MYO5B: variants seen among roughly 807,000 people sequenced by gnomAD.
The protein encoded by MYO5B is myosin VB.
In MYO5B, 143 loss-of-function variants were observed where a neutral mutation model predicts 229.3. That is an observed-to-expected ratio of 0.62 (90% CI 0.54 to 0.72). The LOEUF is 0.72. Ranked by LOEUF, MYO5B falls within the 30% of genes least tolerant of loss-of-function variation. The pLI, the probability that MYO5B is intolerant of heterozygous loss-of-function variation, is 0.00. For missense variants in MYO5B, 2,321 were observed against 2,331.0 expected, an observed-to-expected ratio of 1.00 and a Z score of 0.09; for synonymous variants, 918 against 885.2, an observed-to-expected ratio of 1.04 and a Z score of -0.66.
chr18:50,026,404 G>C (rs925566548), intron 4 of MYO5B, among the ~76,000 whole-genome samples: 4 of 152,250 alleles, frequency 2.6e-5, no homozygotes, highest in Admixed American at 2.6e-4. Context: ...AGAACTGAAA[G>C]TGGCTTGTTT....
intron 9 of MYO5B, among the ~76,000 whole-genome samples, chr18:49,975,324 T>G (rs1246809125): frequency 6.6e-6 from 1 of 152,114 alleles, no homozygotes; most frequent in African/African-American, 2.4e-5. Context: ...GATCAATGAT[T>G]CTCTTCTGGG....
rs191937092 is a variant in MYO5B, at chr18:49,833,350, A to G, written c.5394+1994T>C. 1.5e-4 allele frequency among the ~76,000 whole-genome samples: 23 copies of G among 152,322 alleles called. No homozygotes were observed. In the East Asian group the frequency reaches 3.9e-3, roughly 26 times the overall value. Reference sequence around the variant, plus strand: ...CTTTAACAAGTAACTTGTCTTTATCACACATGTGAGTTCAAATGTAGGAGG... The same window carrying G: ...CTTTAACAAGTAACTTGTCTTTATCGCACATGTGAGTTCAAATGTAGGAGG... On this transcript the variant is annotated intron_variant, in intron 39 of 39. Coordinates refer to ENST00000285039, the MANE Select transcript of MYO5B (RefSeq NM_001080467.3).
intron 10 of MYO5B, 125 bp downstream of exon 10, chr18:49,974,225 A>G (rs867995255): frequency 3.5e-6 from 5 of 1,412,978 alleles, no homozygotes; most frequent in Non-Finnish European, 5.0e-6. Context: ...AAATGGCCCC[A>G]CACATTTTAA....
rs1320243335 is a variant in MYO5B at position 49,824,793 on chromosome 18, G to GC, written c.*1677dup. On this transcript the variant is annotated 3_prime_UTR_variant, in exon 40 of 40. Transcript: ENST00000285039. ...ACTGTAACTGAAAGAAAAAGGCACA[G>GC]CTCTGCCGATGCCCAAGAGAAGCCG... is the stretch of plus-strand genomic sequence containing the variant. 1 of 152,244 alleles carries GC rather than the reference G, an allele frequency of 6.6e-6. No individual in the cohort carries two copies. Among genetic ancestry groups the GC allele is most frequent in the East Asian group, 1.9e-4 (1 of 5,202 alleles). 9.4% of individuals were successfully genotyped at this position (152,244 alleles called of 1,614,324 possible).
intron 1 of MYO5B, among the ~76,000 whole-genome samples, chr18:50,099,479 GTTCC>G (rs1168721924): frequency 1.3e-5 from 2 of 152,152 alleles, no homozygotes; most frequent in Non-Finnish European, 2.9e-5. Context: ...AGATGCCATG[GTTCC>G]TTCCACTCCC....
At chr18:49,926,774 A>C (rs1233942582) in intron 17 of MYO5B, among the ~76,000 whole-genome samples, 1 of 152,214 alleles carries the variant, frequency 6.6e-6, no homozygotes, top group African/African-American at 2.4e-5. Flanking sequence ...AAGTTAAAGG[A>C]GTCTATTGAG....
intron 1 of MYO5B, among the ~76,000 whole-genome samples, chr18:50,160,662 G>A (rs1156706817): frequency 4.6e-5 from 7 of 151,988 alleles, no homozygotes; most frequent in Admixed American, 4.6e-4. Flanking sequence ...GGCCACTCTG[G>A]GTCACCTGAA....
intron 1 of MYO5B, among the ~76,000 whole-genome samples, chr18:50,061,743 C>A (rs921437797): frequency 6.6e-6 from 1 of 152,192 alleles, no homozygotes; most frequent in African/African-American, 2.4e-5. Flanking sequence ...AATGCACTGT[C>A]AGAATTAAAA....
chr18:50,096,128 T>C (rs1401069458), intron 1 of MYO5B, among the ~76,000 whole-genome samples: 2 of 152,126 alleles, frequency 1.3e-5, no homozygotes, highest in African/African-American at 4.8e-5. Flanking sequence ...ACACTTCCCA[T>C]ATATGAAAAG....
chr18:49,983,455 C>T (rs1254399736), intron 8 of MYO5B, among the ~76,000 whole-genome samples: 1 of 152,210 alleles, frequency 6.6e-6, no homozygotes, highest in Non-Finnish European at 1.5e-5. Context: ...CTCTGGCCTG[C>T]ATCCTCTGGG....
At chr18:49,932,190 C>T (rs2025200691) in intron 16 of MYO5B, among the ~76,000 whole-genome samples, 1 of 152,306 alleles carries the variant, frequency 6.6e-6, no homozygotes, top group South Asian at 2.1e-4. Context: ...TTCTGGTATC[C>T]CCACATCATG....
chr18:50,029,110 T>A (rs1002070452), intron 4 of MYO5B, among the ~76,000 whole-genome samples: 2 of 152,198 alleles, frequency 1.3e-5, no homozygotes, highest in African/African-American at 4.8e-5. Flanking sequence ...CTCAGAAATT[T>A]TAACAATAAA....
At chr18:50,005,080 T>C (rs2026086989) in intron 4 of MYO5B, among the ~76,000 whole-genome samples, 2 of 152,214 alleles carry the variant, frequency 1.3e-5, no homozygotes, top group Non-Finnish European at 2.9e-5. Flanking sequence ...AGGTCTCTAA[T>C]TCATTTTAAT....
intron 2 of MYO5B, among the ~76,000 whole-genome samples, chr18:50,052,652 A>T (rs936478059): frequency 1.6e-4 from 24 of 151,448 alleles, no homozygotes; most frequent in African/African-American, 5.8e-4. Flanking sequence ...ACATGTATAC[A>T]TATGTAACTA....
intron 7 of MYO5B, among the ~76,000 whole-genome samples, chr18:49,987,435 C>G (rs1235444006): frequency 6.6e-6 from 1 of 152,130 alleles, no homozygotes; most frequent in Non-Finnish European, 1.5e-5. Context: ...GCCCATAAAG[C>G]TGAACACTGA....
chr18:50,050,334 G>A (rs1348322513), intron 2 of MYO5B, among the ~76,000 whole-genome samples: 1 of 152,140 alleles, frequency 6.6e-6, no homozygotes, highest in Non-Finnish European at 1.5e-5. Flanking sequence ...GAGTACACAA[G>A]GGCTCTGCAT....
Position 49,864,201 on chromosome 18 carries a change from C to T in MYO5B, c.3783G>A (p.Val1261=), listed in dbSNP as rs779171230. The T allele has an allele frequency of 1.9e-6, 3 of 1,613,496 alleles. No homozygotes were observed. Among genetic ancestry groups the T allele is most frequent in the Non-Finnish European group, 2.5e-6 (3 of 1,180,038 alleles). ...HEELEVRKEE[V]LILRTQIVSA... ...TCACGATCTGGGTCCTGAGGATGAG[C>T]ACCTCCTCCTTGCGCACCTCGAGCT... Residue 1261 remains valine (V), a synonymous_variant, in exon 28 of 40, where the codon GTG becomes GTA. Transcript: ENST00000285039.
At position 49,929,608 on chromosome 18, in the gene MYO5B, GAGAA is replaced by G. The variant is rs2144195200; in HGVS notation, c.2004-14_2004-11del. ...TCTCTTTGGGTCAAAGCTGCCAAAG[GAGAA>G]AAAAAAAAAAAAAAGCAAGACAAGA... On this transcript the variant is annotated splice_polypyrimidine_tract_variant and intron_variant, in intron 16 of 39. Coordinates refer to ENST00000285039, the MANE Select transcript of MYO5B (RefSeq NM_001080467.3). 7.1e-7 allele frequency: 1 copy of G among 1,409,492 alleles called. No individual in the cohort carries two copies. Among genetic ancestry groups the G allele is most frequent in the Non-Finnish European group, 9.3e-7 (1 of 1,078,116 alleles). The allele number at this position is 1,409,492 out of a possible 1,614,324, so 87.3% of individuals were successfully genotyped here.
intron 10 of MYO5B, among the ~76,000 whole-genome samples, chr18:49,968,657 T>C (rs1382736828): frequency 6.6e-6 from 1 of 151,980 alleles, no homozygotes; most frequent in Non-Finnish European, 1.5e-5. Context: ...TGTTTAATCT[T>C]AAACGGGTCC....
Sources: allele counts gnomAD v4.1 joint callset (sites outside exome capture counted in the v4.1 genomes callset), GRCh38; gene constraint gnomAD v4.1.1; transcripts MANE v1.5; gene names NCBI Gene and HGNC (gene_info 2026-07-23, HGNC 2026-07-21).